Variants in KIF7 observed in about 807,000 individuals in gnomAD.
The protein encoded by KIF7 is kinesin family member 7.
KIF7 carries 104 observed loss-of-function variants against 135.7 expected under a neutral mutation model. The observed-to-expected ratio is 0.77, with a 90% CI of 0.65 to 0.90. The LOEUF (loss-of-function observed/expected upper bound fraction) is 0.90. Among genes scored for constraint, KIF7 ranks in the 40% least tolerant of loss-of-function variants. The pLI is 0.00. For synonymous variants in KIF7, 883 were observed against 809.4 expected, an observed-to-expected ratio of 1.09 and a Z score of -1.54; for missense variants, 2,005 against 1,839.1, an observed-to-expected ratio of 1.09 and a Z score of -1.65.
intron 12 of KIF7, 76 bp downstream of exon 12, chr15:89,633,610 C>T: frequency 6.6e-7 from 1 of 1,522,972 alleles, no homozygotes; most frequent in South Asian, 1.2e-5. Context: ...CAAACCCTGC[C>T]TGGGCTCCCC....
chr15:89,619,334 T>C (rs1227051054), intron 1 of KIF7, among the ~76,000 whole-genome samples: 1 of 148,314 alleles, frequency 6.7e-6, no homozygotes, highest in African/African-American at 2.5e-5. Context: ...CAAGCGATTC[T>C]CCTGCCACAG....
chr15:89,619,221 C>CTTTTTTTTTTT lies in KIF7; in HGVS notation c.181-1037_181-1027dup, dbSNP rs386383750. Among the ~76,000 whole-genome samples, 102 of 111,926 alleles carry CTTTTTTTTTTT rather than the reference C, an allele frequency of 9.1e-4. 1 individual carries two copies. Among genetic ancestry groups the CTTTTTTTTTTT allele is most frequent in the Non-Finnish European group, 1.3e-3 (73 of 57,892 alleles). 73.4% of individuals were successfully genotyped at this position (111,926 alleles called of 152,430 possible). On this transcript the variant is annotated intron_variant and NMD_transcript_variant, in intron 1 of 2. Transcript: ENST00000558928. ...CTTGTTTTCGCCCTACACCATTCTT[C>CTTTTTTTTTTT]TTTTTTTTTTTTTTTTTTTGGTGAG...
downstream of KIF7, chr15:89,627,125 C>T (rs1419075846): frequency 1.2e-6 from 2 of 1,611,380 alleles, no homozygotes; most frequent in Non-Finnish European, 1.7e-6. Flanking sequence ...AAGGAGTCAG[C>T]CAGGACCCTG....
At chr15:89,626,609 C>A (rs1401945033), downstream of KIF7, among the ~76,000 whole-genome samples, 2 of 152,038 alleles carry the variant, frequency 1.3e-5, no homozygotes, top group African/African-American at 2.4e-5. Flanking sequence ...AGGAGGGGGC[C>A]TTTGGTGGTT....
chr15:89,635,197 C>T (rs572708606), intron 11 of KIF7, among the ~76,000 whole-genome samples: 9 of 152,166 alleles, frequency 5.9e-5, no homozygotes, highest in Non-Finnish European at 1.3e-4. Flanking sequence ...CATCAAAGAC[C>T]AAAAGTAGAT....
intron 3 of KIF7, 96 bp downstream of exon 3, chr15:89,649,645 G>A (rs1395629215): frequency 2.2e-6 from 3 of 1,348,828 alleles, no homozygotes; most frequent in South Asian, 1.4e-5. Flanking sequence ...TTTTCCATGA[G>A]GAGTTGCCAT....
intron 1 of KIF7, among the ~76,000 whole-genome samples, chr15:89,653,618 C>T (rs1029295142): frequency 6.6e-6 from 1 of 152,162 alleles, no homozygotes; most frequent in Non-Finnish European, 1.5e-5. Flanking sequence ...CTCTCTTTCA[C>T]CCAGACTGGA....
At chr15:89,620,190 T>C (rs952026331) in intron 1 of KIF7, among the ~76,000 whole-genome samples, 1 of 152,196 alleles carries the variant, frequency 6.6e-6, no homozygotes, top group Non-Finnish European at 1.5e-5. Flanking sequence ...ATGGTTAGCT[T>C]GCTAATAGAT....
At position 89,645,183 on chromosome 15, in the gene KIF7, T is replaced by C; in HGVS notation, c.2039-18A>G. The C allele has an allele frequency of 6.2e-7, 1 of 1,604,946 alleles. No individual in the cohort carries two copies. Among genetic ancestry groups the C allele is most frequent in the Non-Finnish European group, 8.5e-7 (1 of 1,179,890 alleles). On this transcript the variant is annotated intron_variant, in intron 9 of 18. Coordinates refer to ENST00000394412, the MANE Select transcript of KIF7 (RefSeq NM_198525.3). The stretch of plus-strand genomic sequence containing the variant: ...ACCAACTGCTGCAACAGGCAGCCTG[T>C]CAAGGTTGCTGCCCCAACTGACAGT...
upstream of KIF7, among the ~76,000 whole-genome samples, chr15:89,656,058 C>A (rs977620311): frequency 1.3e-5 from 2 of 152,120 alleles, no homozygotes; most frequent in African/African-American, 4.8e-5. Context: ...ACATATTTGT[C>A]ACTTAAAACG....
intron 10 of KIF7, among the ~76,000 whole-genome samples, chr15:89,643,887 A>G (rs1963965408): frequency 3.3e-4 from 2 of 5,998 alleles, no homozygotes; most frequent in Non-Finnish European, 2.4e-3. Flanking sequence ...CCGTCTCAGA[A>G]AAAAAAAAAA....
At chr15:89,623,754 A>G, downstream of KIF7, 1 of 1,614,060 alleles carries the variant, frequency 6.2e-7, no homozygotes. Flanking sequence ...TGACCCCTAC[A>G]AAGCAGGCAG....
At chr15:89,633,062 C>A in intron 13 of KIF7, 66 bp from the exon 14 acceptor site, 2 of 1,599,058 alleles carry the variant, frequency 1.3e-6, no homozygotes, top group South Asian at 2.2e-5. Flanking sequence ...AGCCGCCACT[C>A]GAGGTTCACT....
chr15:89,619,561 C>T (rs1385091960), intron 1 of KIF7: 5 of 761,880 alleles, frequency 6.6e-6, no homozygotes, highest in Non-Finnish European at 1.0e-5. Flanking sequence ...TGTTAAGAGA[C>T]ACTTCAGAAG....
intron 1 of KIF7, chr15:89,619,839 T>G (rs1184364404): frequency 6.2e-7 from 1 of 1,610,330 alleles, no homozygotes; most frequent in East Asian, 2.2e-5. Context: ...GCAAGATAAG[T>G]CAGGTAACAT....
At chr15:89,652,500 T>C (rs1458236405) in intron 2 of KIF7, 103 bp downstream of exon 2, 10 of 914,486 alleles carry the variant, frequency 1.1e-5, no homozygotes, top group Non-Finnish European at 1.5e-5. Context: ...TCCCCCAGCA[T>C]CCCCACCTTC....
Position 89,649,176 on chromosome 15 carries a change from CCGGGG to C in KIF7, c.716_720del (p.Ala239GlyfsTer222), listed in dbSNP as rs1567067864. On this transcript the variant is annotated frameshift_variant, in exon 4 of 19. Transcript: ENST00000394412. LOFTEE classifies it high-confidence loss of function. ...TGGAACTTGGAGACGAGCAGCTGGC[CCGGGG>C]CGGGGCGGGGTAGGCGGCTGGGGGC... 6.5e-7 allele frequency: 1 copy of C among 1,547,868 alleles called. No homozygotes were observed. The highest frequency in any genetic ancestry group is 8.7e-7 in the Non-Finnish European group (1 of 1,146,608).
intron 12 of KIF7, 109 bp from the exon 13 acceptor site, chr15:89,633,375 C>G (rs1596068423): frequency 3.6e-6 from 5 of 1,396,196 alleles, no homozygotes; most frequent in South Asian, 2.5e-5. Flanking sequence ...CAAGAGGGCC[C>G]TGCGAAGTGT....
intron 3 of KIF7, 49 bp from the exon 4 acceptor site, chr15:89,649,416 A>G (rs760155586): frequency 5.3e-5 from 76 of 1,440,828 alleles, no homozygotes; most frequent in Non-Finnish European, 6.9e-5. Flanking sequence ...CGCCAGACTG[A>G]CCAGCCAGGA....
Sources: allele counts gnomAD v4.1 joint callset (sites outside exome capture counted in the v4.1 genomes callset), GRCh38; gene constraint gnomAD v4.1.1; transcripts MANE v1.5; gene names NCBI Gene and HGNC (gene_info 2026-07-23, HGNC 2026-07-21).